Variants in CDKN2A observed in about 807,000 individuals in gnomAD.
CDKN2A encodes the protein cyclin-dependent kinase inhibitor 2A.
Under a neutral mutation model 11.1 loss-of-function variants are expected in CDKN2A, and 3 were observed. The ratio of observed to expected loss-of-function variants is 0.27; its 90% CI spans 0.12 to 0.70. The LOEUF is 0.70. Ranked by LOEUF, CDKN2A falls within the 30% of genes least tolerant of loss-of-function variation. CDKN2A has a pLI of 0.77. For missense variants in CDKN2A, 265 were observed against 233.6 expected (o/e 1.13, Z -0.88); for synonymous variants, 122 against 108.1 (o/e 1.13, Z -0.80).
At chr9:21,969,089 A>G (rs2131083926) in intron 2 of CDKN2A, among the ~76,000 whole-genome samples, 1 of 152,312 alleles carries the variant, frequency 6.6e-6, no homozygotes, top group East Asian at 1.9e-4. Flanking sequence ...CGCTCTCTGA[A>G]AATAGATTGT....
intron 2 of CDKN2A, among the ~76,000 whole-genome samples, chr9:21,982,519 A>G (rs949034462): frequency 1.3e-5 from 2 of 152,018 alleles, no homozygotes; most frequent in African/African-American, 2.4e-5. Context: ...CGAATTACTT[A>G]TATCTATTTG....
chr9:21,994,154 G>T lies in CDKN2A; in HGVS notation c.-175-101C>A, dbSNP rs769257927. On this transcript the variant is annotated intron_variant, in intron 1 of 3. Transcript: ENST00000494262. ...CCTTTCCTACCTGGTCTTCTAGGAA[G>T]CGGCTGCTGCCCTAGACGCTGGCTC... The T allele has an allele frequency of 6.2e-7, 1 of 1,601,950 alleles. No individual in the cohort carries two copies. The highest frequency in any genetic ancestry group is 8.5e-7 in the Non-Finnish European group (1 of 1,179,826).
At chr9:21,974,942 G>T, upstream of CDKN2A, 2 of 1,423,656 alleles carry the variant, frequency 1.4e-6, no homozygotes, top group Non-Finnish European at 9.1e-7. This position sits in a 1 kb window ranked among gnomAD's most constrained non-coding sequence, Gnocchi z 5.2. Flanking sequence ...CTCCGGTGCT[G>T]GCGGAAGAGC....
At position 21,974,756 on chromosome 9, in the gene CDKN2A, C is replaced by T. The variant is rs1449870708; in HGVS notation, c.72G>A (p.Arg24=). The change falls in exon 1 of 3, where the codon CGG becomes CGA. Residue 24 remains arginine, a synonymous_variant. Coordinates refer to ENST00000304494, the MANE Select transcript of CDKN2A (RefSeq NM_000077.5). The surrounding 1 kb of genome is among the most constrained non-coding windows in gnomAD (Gnocchi z 5.2). ...DWLATAAARG[R]VEEVRALLEA... The stretch of plus-strand genomic sequence containing the variant: ...CCAGCAGCGCCCGCACCTCCTCTAC[C>T]CGACCCCGGGCCGCGGCCGTGGCCA... The T allele has an allele frequency of 2.5e-6, 4 of 1,610,290 alleles. No individual in the cohort carries two copies. The highest frequency in any genetic ancestry group is 2.2e-5 in the South Asian group (2 of 91,008).
At chr9:21,989,094 G>GAA (rs3731200) in intron 2 of CDKN2A, among the ~76,000 whole-genome samples, 25 of 151,818 alleles carry the variant, frequency 1.6e-4, no homozygotes, top group Middle Eastern at 3.4e-3. Flanking sequence ...TCAACAAATA[G>GAA]AAAAAAAACG....
Position 21,968,329 on chromosome 9 carries a change from C to G in CDKN2A, c.458-87G>C. On this transcript the variant is annotated intron_variant, in intron 2 of 2. Coordinates refer to ENST00000304494, the MANE Select transcript of CDKN2A (RefSeq NM_000077.5). This position sits in a 1 kb window ranked among gnomAD's most constrained non-coding sequence, Gnocchi z 4.7. The stretch of plus-strand genomic sequence containing the variant: ...CCGCCCTCCTCTCTTGCCGTCCCTA[C>G]CGGCATTGAAATACTTATGGATAAA... The G allele has an allele frequency of 6.5e-7, 1 of 1,541,698 alleles. No individual in the cohort carries two copies. Among genetic ancestry groups the G allele is most frequent in the Non-Finnish European group, 8.9e-7 (1 of 1,117,648 alleles).
Position 21,971,112 on chromosome 9 carries a change from G to T in CDKN2A, c.247C>A (p.His83Asn), listed in dbSNP as rs121913385. 1 of 1,604,272 alleles carries T rather than the reference G, an allele frequency of 6.2e-7. No homozygotes were observed. Residue 83 changes from histidine (H) to asparagine (N), a missense_variant, in exon 2 of 3, where the codon CAC becomes AAC. His to Asn is a moderately conservative substitution (Grantham distance 68, BLOSUM62 1). Transcript: ENST00000304494. ...ADPATLTRPV[H>N]DAAREGFLDT... ...AGGAAGCCCTCCCGGGCAGCGTCGT[G>T]CACGGGTCGGGTGAGAGTGGCGGGG...
rs1039241804 is a variant in CDKN2A at position 21,968,107 on chromosome 9, A to G, written c.*122T>C. ...AAGGCAGGACATTTTTAAAAGCTCT[A>G]TTTTCTAAATGAAAACTACGAAAGC... On this transcript the variant is annotated 3_prime_UTR_variant, in exon 3 of 3. Coordinates refer to ENST00000304494, the MANE Select transcript of CDKN2A (RefSeq NM_000077.5). The surrounding 1 kb of genome is among the most constrained non-coding windows in gnomAD (Gnocchi z 4.7). The G allele has an allele frequency of 1.7e-5, 15 of 871,996 alleles. No individual in the cohort carries two copies. Among genetic ancestry groups the G allele is most frequent in the Admixed American group, 1.2e-4 (7 of 57,236 alleles). The allele number at this position is 871,996 out of a possible 1,614,324, so 54.0% of individuals were successfully genotyped here.
intron 2 of CDKN2A, among the ~76,000 whole-genome samples, chr9:21,982,429 G>A (rs1587348573): frequency 6.6e-6 from 1 of 152,214 alleles, no homozygotes; most frequent in Middle Eastern, 3.4e-3. Flanking sequence ...CTTGTGAAAT[G>A]AGGGATCTTT....
At chr9:21,969,361 TTGG>T (rs1389120263) in intron 2 of CDKN2A, among the ~76,000 whole-genome samples, 1 of 152,156 alleles carries the variant, frequency 6.6e-6, no homozygotes, top group African/African-American at 2.4e-5. Context: ...GCACTCCAGG[TTGG>T]GCAACAGATC....
chr9:21,975,145 G>A (rs1002220719), upstream of CDKN2A: 1 of 1,205,576 alleles, frequency 8.3e-7, no homozygotes, highest in East Asian at 4.0e-5. Context: ...CAGAGCCAGC[G>A]TTGGCAAGGA....
chr9:21,981,196 G>A (rs188580457), intron 2 of CDKN2A, among the ~76,000 whole-genome samples: 2 of 126,712 alleles, frequency 1.6e-5, no homozygotes, highest in Admixed American at 8.5e-5. Flanking sequence ...ATATATACGT[G>A]TATATATATA....
chr9:21,995,286 A>C (rs1820598964), upstream of CDKN2A: 1 of 151,966 alleles, frequency 6.6e-6, no homozygotes, highest in Admixed American at 6.5e-5. The surrounding 1 kb of genome is among the most constrained non-coding windows in gnomAD (Gnocchi z 5.7). Flanking sequence ...GCCCATTTTT[A>C]TTTTCGGTTT....
intron 2 of CDKN2A, chr9:21,989,489 C>G (rs1015112110): frequency 1.3e-5 from 2 of 152,188 alleles, no homozygotes; most frequent in Non-Finnish European, 2.9e-5. Flanking sequence ...CTATACCATC[C>G]TGCACCCCCA....
rs920565471 is a variant in CDKN2A, at chr9:21,968,051, G to T, written c.*178C>A. 2 of 632,422 alleles carry T rather than the reference G, an allele frequency of 3.2e-6. No homozygotes were observed. The highest frequency in any genetic ancestry group is 2.7e-5 in the East Asian group (1 of 36,698). The allele number at this position is 632,422 out of a possible 1,614,324, so 39.2% of individuals were successfully genotyped here. On this transcript the variant is annotated 3_prime_UTR_variant, in exon 3 of 3. Coordinates refer to ENST00000304494, the MANE Select transcript of CDKN2A (RefSeq NM_000077.5). The surrounding 1 kb of genome is among the most constrained non-coding windows in gnomAD (Gnocchi z 4.7). ...AAAAATGATATAAATGGACATTTAC[G>T]GTAGTGGGGGAAGGCATATATCTAC... is the stretch of plus-strand genomic sequence containing the variant.
chr9:21,981,507 T>A (rs1404636544), intron 2 of CDKN2A, among the ~76,000 whole-genome samples: 4 of 152,062 alleles, frequency 2.6e-5, no homozygotes, highest in Non-Finnish European at 5.9e-5. Context: ...TAGATAATTA[T>A]TTGAAGGCAA....
chr9:21,994,752 C>G, intron 1 of CDKN2A: 1 of 194,132 alleles, frequency 5.2e-6, no homozygotes, highest in Non-Finnish European at 1.0e-5. Flanking sequence ...GGCCCAGGGG[C>G]CGGACGCCTG....
chr9:21,970,555 A>C, intron 2 of CDKN2A: 1 of 536,764 alleles, frequency 1.9e-6, no homozygotes, highest in Non-Finnish European at 3.3e-6. Context: ...AACTGGCCCT[A>C]GTTTGGAGGA....
Position 21,974,697 on chromosome 9 carries a change from T to C in CDKN2A, c.131A>G (p.Tyr44Cys), listed in dbSNP as rs1563892532. 6.2e-7 allele frequency: 1 copy of C among 1,613,792 alleles called. No individual in the cohort carries two copies. The highest frequency in any genetic ancestry group is 8.5e-7 in the Non-Finnish European group (1 of 1,179,980). ...AGALPNAPNS[Y>C]GRRPIQVMMM... The stretch of plus-strand genomic sequence containing the variant: ...ACCCACCTGGATCGGCCTCCGACCG[T>C]AACTATTCGGTGCGTTGGGCAGCGC... The change falls in exon 1 of 3, where the codon TAC becomes TGC. Residue 44 changes from tyrosine (Y) to cysteine (C), a missense_variant. Tyr to Cys is a radical substitution (Grantham distance 194, BLOSUM62 -2). Transcript: ENST00000304494. This position sits in a 1 kb window ranked among gnomAD's most constrained non-coding sequence, Gnocchi z 5.2.
Sources: allele counts gnomAD v4.1 joint callset (sites outside exome capture counted in the v4.1 genomes callset), GRCh38; gene constraint gnomAD v4.1.1; non-coding constraint Gnocchi (gnomAD v3.1); transcripts MANE v1.5; gene names NCBI Gene and HGNC (gene_info 2026-07-23, HGNC 2026-07-21).